Variants in CAVIN1 observed in about 807,000 individuals in gnomAD.
The protein encoded by CAVIN1 is caveolae-associated protein 1.
Under a neutral mutation model 24.0 loss-of-function variants are expected in CAVIN1, and 16 were observed. The observed-to-expected ratio is 0.67, with a 90% CI of 0.45 to 1.01. The LOEUF (loss-of-function observed/expected upper bound fraction) is 1.01. CAVIN1 is among the 50% of genes least tolerant of loss of function. The pLI, the probability that CAVIN1 is intolerant of heterozygous loss-of-function variation, is 0.00. For missense variants in CAVIN1, 510 were observed against 551.7 expected (o/e 0.92, Z 0.76); for synonymous variants, 256 against 256.4 (o/e 1.00, Z 0.02).
In CAVIN1 at chr17:42,411,293, C is replaced by T. The variant is rs937528279; in HGVS notation, c.472-5905G>A. The T allele has an allele frequency of 2.5e-5, 7 of 281,764 alleles. No individual in the cohort carries two copies. The Admixed American group carries it at 3.9e-4, about 16-fold the overall frequency. 17.5% of individuals were successfully genotyped at this position (281,764 alleles called of 1,614,324 possible). ...ACTGGCTGGGTGAGGTGGCTCACAT[C>T]TGTAATCCCAGCACTTTGGGAAGCT... On this transcript the variant is annotated intron_variant, in intron 1 of 1. Transcript: ENST00000357037.
intron 1 of CAVIN1, among the ~76,000 whole-genome samples, chr17:42,416,407 G>GGA (rs2085512156): frequency 6.6e-6 from 1 of 151,214 alleles, no homozygotes; most frequent in African/African-American, 2.4e-5. Flanking sequence ...AAGAAGAAAA[G>GGA]AAGAAGGAAA....
intron 1 of CAVIN1, among the ~76,000 whole-genome samples, chr17:42,416,815 T>G (rs2085514731): frequency 6.6e-6 from 1 of 152,014 alleles, no homozygotes; most frequent in African/African-American, 2.4e-5. Flanking sequence ...TTGAGAATAT[T>G]TTTGGACAAA....
In CAVIN1 at chr17:42,422,984, G is replaced by T; in HGVS notation, c.114C>A (p.Ala38=). ...GAQAAEEPSG[A]GSEELIKSDQ... is the part of the protein sequence containing the mutation. ...CCGACTTGATCAGCTCTTCTGAGCC[G>T]GCCCCCGACGGCTCCTCCGCTGCCT... Residue 38 remains alanine, a synonymous_variant, in exon 1 of 2, where the codon GCC becomes GCA. Transcript: ENST00000357037. 1.2e-6 allele frequency: 2 copies of T among 1,613,526 alleles called. No homozygotes were observed. Among genetic ancestry groups the T allele is most frequent in the Non-Finnish European group, 8.5e-7 (1 of 1,179,912 alleles).
intron 1 of CAVIN1, among the ~76,000 whole-genome samples, chr17:42,421,561 C>T (rs2145488271): frequency 6.6e-6 from 1 of 152,328 alleles, no homozygotes; most frequent in African/African-American, 2.4e-5. Flanking sequence ...ACTTGCCGCC[C>T]AGCCCAAAAT....
At chr17:42,411,203 A>AC (rs951657195) in intron 1 of CAVIN1, among the ~76,000 whole-genome samples, 10 of 147,400 alleles carry the variant, frequency 6.8e-5, no homozygotes, top group Non-Finnish European at 1.2e-4. Flanking sequence ...AAAAAAAAAA[A>AC]AAAAAACTAA....
chr17:42,407,983 CA>C (rs2085455280), intron 1 of CAVIN1, among the ~76,000 whole-genome samples: 1 of 152,026 alleles, frequency 6.6e-6, no homozygotes. Context: ...AAACCCTCTT[CA>C]TCCATCTCCA....
intron 1 of CAVIN1, among the ~76,000 whole-genome samples, chr17:42,412,806 CG>C (rs1238612421): frequency 1.3e-5 from 2 of 150,752 alleles, no homozygotes; most frequent in Non-Finnish European, 3.0e-5. Context: ...TAGTAGAGAC[CG>C]GGTTTCACTG....
intron 1 of CAVIN1, among the ~76,000 whole-genome samples, chr17:42,405,986 C>A (rs2085444272): frequency 6.6e-6 from 1 of 152,242 alleles, no homozygotes; most frequent in East Asian, 1.9e-4. Context: ...TGCGCCCGGC[C>A]TCGCGCCGCC....
chr17:42,420,096 G>A (rs1276459941), intron 1 of CAVIN1, among the ~76,000 whole-genome samples: 5 of 151,802 alleles, frequency 3.3e-5, no homozygotes, highest in African/African-American at 9.7e-5. Context: ...CGCCCCCACT[G>A]CCACATCATC....
intron 1 of CAVIN1, among the ~76,000 whole-genome samples, chr17:42,413,565 GGAAAAAAAAAAAAAAA>G (rs2085493686): frequency 6.4e-5 from 4 of 62,596 alleles, no homozygotes; most frequent in Non-Finnish European, 9.5e-5. Flanking sequence ...TCTCAAAAAG[GGAAAAAAAAAAAAAAA>G]AAAAAAAAAA....
chr17:42,408,734 G>A (rs1021151421), intron 1 of CAVIN1, among the ~76,000 whole-genome samples: 6 of 149,214 alleles, frequency 4.0e-5, no homozygotes, highest in African/African-American at 1.2e-4. Context: ...CATGTGATTC[G>A]CCCTCCTCAG....
chr17:42,408,622 G>C (rs1241796778), intron 1 of CAVIN1, among the ~76,000 whole-genome samples: 1 of 151,974 alleles, frequency 6.6e-6, no homozygotes, highest in African/African-American at 2.4e-5. Context: ...CTCCCAAATA[G>C]CTGAGATTAC....
intron 1 of CAVIN1, among the ~76,000 whole-genome samples, chr17:42,409,207 C>G (rs1266737066): frequency 6.6e-6 from 1 of 151,504 alleles, no homozygotes. Context: ...CTCTAGTGAT[C>G]CTCCCACCTC....
chr17:42,423,103 C>T lies in CAVIN1; in HGVS notation c.-6G>A. The T allele has an allele frequency of 6.4e-7, 1 of 1,557,656 alleles. No individual in the cohort carries two copies. The highest frequency in any genetic ancestry group is 1.4e-5 in the African/African-American group (1 of 73,312). On this transcript the variant is annotated 5_prime_UTR_variant, in exon 1 of 2. Coordinates refer to ENST00000357037, the MANE Select transcript of CAVIN1 (RefSeq NM_012232.6). Reference sequence around the variant, plus strand: ...TAGAGCGTGGGGTCCTCCATGGCTACCCGGAGCCGTGCGGGACCGGCCGGG... The same window carrying T: ...TAGAGCGTGGGGTCCTCCATGGCTATCCGGAGCCGTGCGGGACCGGCCGGG...
At chr17:42,422,585 C>T (rs549701231) in intron 1 of CAVIN1, 42 bp downstream of exon 1, 52 of 1,483,652 alleles carry the variant, frequency 3.5e-5, no homozygotes, top group East Asian at 2.7e-4. Context: ...GGACGCGGGC[C>T]GGGCGCGGGA....
In CAVIN1 at chr17:42,411,207, A is replaced by AAAAAC. The variant is rs758609413; in HGVS notation, c.472-5820_472-5819insGTTTT. Among the ~76,000 whole-genome samples, 16 of 127,618 alleles carry AAAAAC rather than the reference A, an allele frequency of 1.3e-4. No individual in the cohort carries two copies. In the East Asian group the frequency reaches 1.9e-3, roughly 15 times the overall value. 83.7% of individuals were successfully genotyped at this position (127,618 alleles called of 152,430 possible). A position where few individuals can be genotyped will look rare whatever the true frequency, so the allele number is the denominator to read the frequency against. On this transcript the variant is annotated intron_variant, in intron 1 of 1. Transcript: ENST00000357037. The stretch of plus-strand genomic sequence containing the variant: ...GACTATGTCTCAAAAAAAAAAAAAA[A>AAAAAC]AACTAAAAGGTCTGTATATGGGAGT...
At chr17:42,413,566 G>GAAAAA (rs60085741) in intron 1 of CAVIN1, among the ~76,000 whole-genome samples, 2,521 of 55,274 alleles carry the variant, frequency 0.046, 140 homozygotes, top group Non-Finnish European at 0.058. Flanking sequence ...CTCAAAAAGG[G>GAAAAA]AAAAAAAAAA....
intron 1 of CAVIN1, chr17:42,412,083 C>T: frequency 2.0e-6 from 2 of 985,336 alleles, no homozygotes; most frequent in South Asian, 4.7e-5. Context: ...CTGGGGTGGG[C>T]CGGGGCCCAG....
In CAVIN1 at chr17:42,404,913, T is replaced by C. The variant is rs1376755210; in HGVS notation, c.947A>G (p.Tyr316Cys). ...GTGGAAGGTGAAGGGTGGCACCTTGTAGACCGCGGTCTTGGAGCGCGCGTA... is the reference window on the plus strand; with the variant it reads ...GTGGAAGGTGAAGGGTGGCACCTTGCAGACCGCGGTCTTGGAGCGCGCGTA... Reference protein sequence around the residue: ...VVYARSKTAVYKVPPFTFHVK... With the variant: ...VVYARSKTAVCKVPPFTFHVK... Residue 316 changes from tyrosine to cysteine, a missense_variant, in exon 2 of 2, where the codon TAC becomes TGC. By Grantham distance (194) the Tyr-to-Cys change is radical. Coordinates refer to ENST00000357037, the MANE Select transcript of CAVIN1 (RefSeq NM_012232.6). 1 of 1,614,018 alleles carries C rather than the reference T, an allele frequency of 6.2e-7. No homozygotes were observed. Among genetic ancestry groups the C allele is most frequent in the Non-Finnish European group, 8.5e-7 (1 of 1,179,944 alleles).
Sources: gnomAD v4.1 joint callset for allele counts (sites outside exome capture counted in the v4.1 genomes callset) on GRCh38, gnomAD v4.1.1 for gene constraint, MANE v1.5 for transcripts, NCBI Gene and HGNC (gene_info 2026-07-23, HGNC 2026-07-21) for gene names.